Variants in CUBN observed in about 807,000 individuals in gnomAD.
CUBN encodes the protein cubilin.
A neutral mutation model predicts 405.3 loss-of-function variants in CUBN; 282 were observed. That is an observed-to-expected ratio of 0.70 (90% CI 0.63 to 0.77). The LOEUF (loss-of-function observed/expected upper bound fraction) is 0.77. Among genes scored for constraint, CUBN ranks in the 30% least tolerant of loss-of-function variants. The pLI is 0.00. For missense variants in CUBN, 4,514 were observed against 4,475.2 expected (o/e 1.01, Z -0.25); for synonymous variants, 1,684 against 1,617.0 (o/e 1.04, Z -0.99).
intron 17 of CUBN, 132 bp downstream of exon 17, chr10:17,084,139 T>C (rs1836041188): frequency 1.2e-6 from 1 of 830,946 alleles, no homozygotes; most frequent in Admixed American, 2.0e-5. Flanking sequence ...AGCTTAGTTA[T>C]TATTGTATTT....
At chr10:17,078,014 T>G (rs1564506178) in intron 17 of CUBN, among the ~76,000 whole-genome samples, 1 of 152,132 alleles carries the variant, frequency 6.6e-6, no homozygotes, top group Non-Finnish European at 1.5e-5. Context: ...AGAAGTGCCT[T>G]CCCTCATGAT....
intron 17 of CUBN, 95 bp downstream of exon 17, chr10:17,084,176 G>T: frequency 1.6e-6 from 2 of 1,229,466 alleles, no homozygotes; most frequent in Non-Finnish European, 1.2e-6. Context: ...TATTCTGGCT[G>T]CTGGTGGCCC....
At chr10:16,922,828 T>C (rs945426488) in intron 43 of CUBN, among the ~76,000 whole-genome samples, 1 of 151,952 alleles carries the variant, frequency 6.6e-6, no homozygotes, top group African/African-American at 2.4e-5. Flanking sequence ...CTAGCACTTA[T>C]TATACCATAT....
At chr10:17,052,350 C>A (rs764869348) in intron 22 of CUBN, among the ~76,000 whole-genome samples, 1 of 152,056 alleles carries the variant, frequency 6.6e-6, no homozygotes, top group Non-Finnish European at 1.5e-5. Flanking sequence ...ATGAAGAACA[C>A]TGGAAATGAT....
chr10:16,858,904 G>C (rs1839938765), intron 59 of CUBN, among the ~76,000 whole-genome samples: 2 of 152,170 alleles, frequency 1.3e-5, no homozygotes, highest in African/African-American at 4.8e-5. Context: ...AATGGTGCTA[G>C]AGCAATTGGA....
intron 28 of CUBN, among the ~76,000 whole-genome samples, chr10:17,016,829 T>C (rs190188860): frequency 2.6e-5 from 4 of 152,232 alleles, no homozygotes; most frequent in Admixed American, 1.3e-4. Context: ...TCCTGTGGGA[T>C]GTAAATTGCA....
At chr10:16,968,770 C>T (rs1843470099) in intron 31 of CUBN, among the ~76,000 whole-genome samples, 1 of 152,222 alleles carries the variant, frequency 6.6e-6, no homozygotes, top group South Asian at 2.1e-4. Flanking sequence ...ACTCAGCCTT[C>T]GTGAAAGGAA....
chr10:16,896,297 A>C (rs941978769), intron 54 of CUBN, among the ~76,000 whole-genome samples: 2 of 152,064 alleles, frequency 1.3e-5, no homozygotes, highest in Non-Finnish European at 2.9e-5. Flanking sequence ...CGGTTCTTTA[A>C]TAATTTCATT....
At chr10:17,007,770 G>C (rs1340152937) in intron 28 of CUBN, among the ~76,000 whole-genome samples, 1 of 152,146 alleles carries the variant, frequency 6.6e-6, no homozygotes, top group Non-Finnish European at 1.5e-5. Context: ...CCCTCCACCT[G>C]ATTCTGAGAA....
rs146007816 is a variant in CUBN, at chr10:16,833,360, G to A, written c.10362+1654C>T. Among the ~76,000 whole-genome samples the A allele has an allele frequency of 6.9e-3, 1,046 of 152,224 alleles. 16 individuals carry two copies. The highest frequency in any genetic ancestry group is 0.023 in the African/African-American group (950 of 41,520). On this transcript the variant is annotated intron_variant, in intron 64 of 66. Transcript: ENST00000377833. ...TTCCTCCCTGCTATATACATCTTTC[G>A]GTCTCCTGTCGTGGCGAGTATTCCT...
intron 28 of CUBN, among the ~76,000 whole-genome samples, chr10:17,006,210 TG>T (rs1216392021): frequency 5.9e-5 from 9 of 152,194 alleles, no homozygotes; most frequent in African/African-American, 2.2e-4. Flanking sequence ...ATGTGCTGGA[TG>T]GTTGGTTGAA....
chr10:16,979,900 C>G (rs1588545052), intron 31 of CUBN, among the ~76,000 whole-genome samples: 1 of 152,092 alleles, frequency 6.6e-6, no homozygotes, highest in African/African-American at 2.4e-5. Context: ...CCAGAGTGAA[C>G]AGGCAATCTA....
Position 16,856,751 on chromosome 10 carries a change from G to A in CUBN, c.9455-5308C>T, listed in dbSNP as rs190556251. ...CTACTGAGAAGGTGCACAGTGTGCT[G>A]TACGAGCAGATACAGACTGGCTTGA... On this transcript the variant is annotated intron_variant, in intron 59 of 66. Coordinates refer to ENST00000377833, the MANE Select transcript of CUBN (RefSeq NM_001081.4). Among the ~76,000 whole-genome samples, 261 of 152,290 alleles carry A rather than the reference G, an allele frequency of 1.7e-3. 2 individuals carry two copies. Among genetic ancestry groups the A allele is most frequent in the Non-Finnish European group, 1.5e-4 (10 of 68,030 alleles).
chr10:16,904,121 C>G lies in CUBN; in HGVS notation c.7913-6G>C. ...CAGGGGCCCATCAGCATCACCTGAA[C>G]AAAATAATATACCAAGTGCCATCAT... is the stretch of plus-strand genomic sequence containing the variant. On this transcript the variant is annotated splice_region_variant and splice_polypyrimidine_tract_variant and intron_variant, in intron 50 of 66. Transcript: ENST00000377833. 3 of 1,613,422 alleles carry G rather than the reference C, an allele frequency of 1.9e-6. No homozygotes were observed. The highest frequency in any genetic ancestry group is 1.7e-6 in the Non-Finnish European group (2 of 1,179,440).
chr10:17,125,824 A>G (rs1174087750), intron 4 of CUBN, among the ~76,000 whole-genome samples: 1 of 152,224 alleles, frequency 6.6e-6, no homozygotes, highest in Non-Finnish European at 1.5e-5. Context: ...GTCACGGTCC[A>G]CAGCACTATT....
intron 28 of CUBN, among the ~76,000 whole-genome samples, chr10:17,006,537 C>T (rs1040412103): frequency 4.6e-5 from 7 of 152,188 alleles, no homozygotes; most frequent in South Asian, 2.1e-4. Context: ...GGAATTCCCC[C>T]GAAAGACCAG....
intron 22 of CUBN, among the ~76,000 whole-genome samples, chr10:17,049,773 A>G (rs976310030): frequency 2.0e-5 from 3 of 152,202 alleles, no homozygotes; most frequent in Non-Finnish European, 4.4e-5. Flanking sequence ...ACTCTTACCC[A>G]TCATTTAAGG....
chr10:16,981,731 T>G (rs755357388), intron 31 of CUBN, among the ~76,000 whole-genome samples: 42 of 152,096 alleles, frequency 2.8e-4, no homozygotes, highest in Non-Finnish European at 5.9e-4. Flanking sequence ...ATTCGTGTGC[T>G]CCCTCCTGAA....
Position 16,899,010 on chromosome 10 carries a change from T to G in CUBN, c.8584A>C (p.Asn2862His). The G allele has an allele frequency of 6.2e-7, 1 of 1,612,046 alleles. No homozygotes were observed. Among genetic ancestry groups the G allele is most frequent in the Admixed American group, 1.7e-5 (1 of 60,022 alleles). Reference protein sequence around the residue: ...LIPSGDGQCQNSFVKVWAGTE... With the variant: ...LIPSGDGQCQHSFVKVWAGTE... ...AGTGTACTAACCTTCACGAAGCTAT[T>G]CTGACATTGTCCATCACCGCTGGGG... Residue 2862 changes from asparagine to histidine, a missense_variant, in exon 54 of 67, where the codon AAT (asparagine) becomes CAT (histidine). Asn to His is a moderately conservative substitution (Grantham distance 68, BLOSUM62 1). Around this residue, in one of 5 missense-constraint regions of CUBN, gnomAD observed 1,186 missense variants for 1,186.9 expected, o/e 1.00. Transcript: ENST00000377833.
Sources: gnomAD v4.1 joint callset for allele counts (sites outside exome capture counted in the v4.1 genomes callset) on GRCh38, gnomAD v4.1.1 for gene constraint, gnomAD v4.1.1 regional missense constraint, MANE v1.5 for transcripts, NCBI Gene and HGNC (gene_info 2026-07-23, HGNC 2026-07-21) for gene names.